The following ARHGAP24 variants were observed in gnomAD, a reference collection of about 807,000 sequenced individuals.
ARHGAP24 encodes Rho GTPase activating protein 24, also known as rho GTPase-activating protein 24.
ARHGAP24 carries 50 observed loss-of-function variants against 76.4 expected under a neutral mutation model. The observed-to-expected ratio is 0.65, with a 90% confidence interval of 0.52 to 0.83. ARHGAP24 has a LOEUF of 0.83. ARHGAP24 is among the 40% of genes least tolerant of loss of function. ARHGAP24 has a pLI of 0.00. For synonymous variants in ARHGAP24, 345 were observed against 323.3 expected, an observed-to-expected ratio of 1.07 and a Z score of -0.72; for missense variants, 930 against 914.2, an observed-to-expected ratio of 1.02 and a Z score of -0.22.
chr4:85,714,721 A>T (rs960722502), intron 2 of ARHGAP24, among the ~76,000 whole-genome samples: 5 of 152,112 alleles, frequency 3.3e-5, no homozygotes, highest in African/African-American at 9.7e-5. Flanking sequence ...ATGCATCAGA[A>T]TTACTAGGGT....
chr4:85,711,932 G>T (rs183780704), intron 2 of ARHGAP24, among the ~76,000 whole-genome samples: 1 of 151,942 alleles, frequency 6.6e-6, no homozygotes, highest in African/African-American at 2.4e-5. Flanking sequence ...CTAGAGTTTC[G>T]CATAGTAAAT....
At chr4:85,937,199 G>A (rs572564742) in intron 4 of ARHGAP24, among the ~76,000 whole-genome samples, 1 of 152,290 alleles carries the variant, frequency 6.6e-6, no homozygotes, top group East Asian at 1.9e-4. Context: ...TAATGCAGTG[G>A]TAAGGAGCTT....
At chr4:85,976,904 T>C (rs1163881449) in intron 7 of ARHGAP24, among the ~76,000 whole-genome samples, 1 of 151,206 alleles carries the variant, frequency 6.6e-6, no homozygotes, top group Non-Finnish European at 1.5e-5. Flanking sequence ...TGCCTCAGCC[T>C]CCCAAGTAGC....
At chr4:85,782,318 G>A (rs1299960816) in intron 3 of ARHGAP24, among the ~76,000 whole-genome samples, 1 of 152,076 alleles carries the variant, frequency 6.6e-6, no homozygotes, top group Non-Finnish European at 1.5e-5. Context: ...TTTAAATTTA[G>A]AACTTTTGTA....
chr4:85,622,670 A>G (rs1485891884), intron 2 of ARHGAP24, among the ~76,000 whole-genome samples: 5 of 152,182 alleles, frequency 3.3e-5, no homozygotes, highest in Non-Finnish European at 7.3e-5. Flanking sequence ...AGGAATCGCC[A>G]CACTGTCTTC....
At chr4:85,737,863 A>G (rs1167442248) in intron 3 of ARHGAP24, among the ~76,000 whole-genome samples, 1 of 151,894 alleles carries the variant, frequency 6.6e-6, no homozygotes, top group South Asian at 2.1e-4. Flanking sequence ...CTGTCTTTCC[A>G]CTCTTCCATA....
At chr4:85,902,402 T>C (rs772812003) in intron 3 of ARHGAP24, among the ~76,000 whole-genome samples, 1 of 152,146 alleles carries the variant, frequency 6.6e-6, no homozygotes, top group African/African-American at 2.4e-5. Context: ...TTGCATTGAG[T>C]GGACCCAGTG....
intron 3 of ARHGAP24, among the ~76,000 whole-genome samples, chr4:85,837,795 G>A (rs1381069140): frequency 6.6e-6 from 1 of 152,108 alleles, no homozygotes; most frequent in African/African-American, 2.4e-5. Context: ...AATGTTGTAG[G>A]GAAATTTCCC....
chr4:85,651,229 T>A (rs994406583), intron 2 of ARHGAP24, among the ~76,000 whole-genome samples: 1 of 149,386 alleles, frequency 6.7e-6, no homozygotes, highest in Admixed American at 6.6e-5. Context: ...GGGTATGCTC[T>A]AAATGTAATG....
At chr4:85,682,034 TAGTATAG>T (rs56830558) in intron 2 of ARHGAP24, among the ~76,000 whole-genome samples, 62,622 of 151,484 alleles carry the variant, frequency 0.41, 13,304 homozygotes, top group Non-Finnish European at 0.48. Flanking sequence ...GATCAGGACA[TAGTATAG>T]AGCATAATTT....
chr4:85,475,182 C>G lies in ARHGAP24; in HGVS notation c.-398C>G, dbSNP rs1374380170. The G allele has an allele frequency of 6.6e-6, 1 of 152,476 alleles. No homozygotes were observed. Among genetic ancestry groups the G allele is most frequent in the Non-Finnish European group, 1.5e-5 (1 of 68,264 alleles). The allele number at this position is 152,476 out of a possible 1,614,324, so 9.4% of individuals were successfully genotyped here. On this transcript the variant is annotated 5_prime_UTR_variant, in exon 1 of 10. Coordinates refer to ENST00000395184, the MANE Select transcript of ARHGAP24 (RefSeq NM_001025616.3). Reference sequence around the variant, plus strand: ...ACTTCTGGGACTCTTTGCGCAACTGCTAGGATTTCTCAAGTGCATGTGGCA... The same window carrying G: ...ACTTCTGGGACTCTTTGCGCAACTGGTAGGATTTCTCAAGTGCATGTGGCA...
chr4:85,544,474 A>C (rs112102622), intron 1 of ARHGAP24, among the ~76,000 whole-genome samples: 218 of 152,242 alleles, frequency 1.4e-3, no homozygotes, highest in African/African-American at 5.0e-3. Context: ...GTTCAATAGG[A>C]ACAAAAGGAA....
chr4:85,686,814 T>G (rs949520111), intron 2 of ARHGAP24: 1 of 138,522 alleles, frequency 7.2e-6, no homozygotes, highest in African/African-American at 2.5e-5. Context: ...CATAAGATCT[T>G]TAGCCACAAT....
intron 1 of ARHGAP24, among the ~76,000 whole-genome samples, chr4:85,498,537 C>G (rs1249513243): frequency 1.3e-5 from 2 of 152,198 alleles, no homozygotes; most frequent in South Asian, 2.1e-4. Context: ...AACTCCCTGC[C>G]CCAAATGGGG....
chr4:85,920,655 T>C (rs990767203), intron 3 of ARHGAP24, among the ~76,000 whole-genome samples: 21 of 151,988 alleles, frequency 1.4e-4, no homozygotes, highest in Non-Finnish European at 2.5e-4. Context: ...CTAGCATCTA[T>C]GAGGAACTTA....
At chr4:85,989,497 G>A (rs1740198080) in intron 8 of ARHGAP24, among the ~76,000 whole-genome samples, 1 of 151,558 alleles carries the variant, frequency 6.6e-6, no homozygotes, top group African/African-American at 2.4e-5. Context: ...GACTCTTTCA[G>A]AAAAAAAGAA....
At chr4:85,742,620 G>A (rs991235267) in intron 3 of ARHGAP24, among the ~76,000 whole-genome samples, 14 of 152,128 alleles carry the variant, frequency 9.2e-5, no homozygotes, top group African/African-American at 2.4e-4. Flanking sequence ...CATTAAAATC[G>A]GTTCTTTGAT....
At chr4:85,733,257 G>A (rs1375833785) in intron 3 of ARHGAP24, among the ~76,000 whole-genome samples, 1 of 147,538 alleles carries the variant, frequency 6.8e-6, no homozygotes, top group African/African-American at 2.5e-5. Context: ...CAGAGACAGG[G>A]TTTCACTGTG....
intron 3 of ARHGAP24, among the ~76,000 whole-genome samples, chr4:85,738,396 T>C (rs554405110): frequency 6.8e-6 from 1 of 146,212 alleles, no homozygotes; most frequent in Admixed American, 6.8e-5. Flanking sequence ...TTATTATTAT[T>C]ATTATTATCA....
Sources: allele counts gnomAD v4.1 joint callset (sites outside exome capture counted in the v4.1 genomes callset), GRCh38; gene constraint gnomAD v4.1.1; transcripts MANE v1.5; gene names NCBI Gene and HGNC (gene_info 2026-07-23, HGNC 2026-07-21).